Variants in KLHL29 observed in about 807,000 individuals in gnomAD.
KLHL29 encodes the protein kelch-like protein 29.
In KLHL29, 21 loss-of-function variants were observed where a neutral mutation model predicts 80.4. The observed-to-expected ratio is 0.26, with a 90% CI of 0.19 to 0.38. The LOEUF (loss-of-function observed/expected upper bound fraction) is 0.38. KLHL29 is among the 10% of genes least tolerant of loss of function. KLHL29 has a pLI of 1.00. For synonymous variants in KLHL29, 511 were observed against 526.8 expected, an observed-to-expected ratio of 0.97 and a Z score of 0.41; for missense variants, 867 against 1,223.9, an observed-to-expected ratio of 0.71 and a Z score of 4.35.
At chr2:23,551,947 T>C (rs1572395757) in intron 2 of KLHL29, among the ~76,000 whole-genome samples, 1 of 152,366 alleles carries the variant, frequency 6.6e-6, no homozygotes, top group East Asian at 1.9e-4. Context: ...CTTCACCCTC[T>C]TGCTTTTCCT....
In KLHL29 at chr2:23,670,935, T is replaced by G. The variant is rs1572482844; in HGVS notation, c.941-13464T>G. On this transcript the variant is annotated intron_variant, in intron 5 of 13. Coordinates refer to ENST00000486442, the MANE Select transcript of KLHL29 (RefSeq NM_052920.2). ...TGCACGCGCTCTCTCTCTCTCTCTC[T>G]CTCTCTCTCTCTCTCTCTCTCTCTC... 2.6e-4 allele frequency among the ~76,000 whole-genome samples: 3 copies of G among 11,704 alleles called. 1 individual carries two copies. Among genetic ancestry groups the G allele is most frequent in the African/African-American group, 4.1e-4 (2 of 4,848 alleles). The allele number at this position is 11,704 out of a possible 152,430, so 7.7% of individuals were successfully genotyped here.
At chr2:23,593,334 G>A (rs1297244678) in intron 3 of KLHL29, among the ~76,000 whole-genome samples, 1 of 152,226 alleles carries the variant, frequency 6.6e-6, no homozygotes, top group African/African-American at 2.4e-5. Context: ...GAAGGTTTGG[G>A]TTGGATTTTT....
chr2:23,483,559 C>T (rs1258285422), intron 2 of KLHL29, among the ~76,000 whole-genome samples: 1 of 152,214 alleles, frequency 6.6e-6, no homozygotes, highest in East Asian at 1.9e-4. Context: ...CTTGGCAACT[C>T]CCACTCCAAC....
At chr2:23,628,200 G>A (rs1669370789) in intron 3 of KLHL29, among the ~76,000 whole-genome samples, 1 of 152,130 alleles carries the variant, frequency 6.6e-6, no homozygotes. Flanking sequence ...ATGAGCCACC[G>A]CACCCAGCCC....
intron 2 of KLHL29, among the ~76,000 whole-genome samples, chr2:23,492,375 T>C (rs770549014): frequency 6.6e-6 from 1 of 152,178 alleles, no homozygotes; most frequent in Non-Finnish European, 1.5e-5. Context: ...GGTTTGGGGC[T>C]GCTGGTCTTC....
intron 2 of KLHL29, among the ~76,000 whole-genome samples, chr2:23,528,958 A>G (rs13015374): frequency 0.13 from 20,384 of 152,088 alleles, 2,581 homozygotes; most frequent in African/African-American, 0.34. Context: ...TGGGAGTGGG[A>G]CTCAGAACTT....
chr2:23,423,876 C>T (rs1244850835), intron 1 of KLHL29, among the ~76,000 whole-genome samples: 1 of 152,218 alleles, frequency 6.6e-6, no homozygotes, highest in Admixed American at 6.5e-5. Flanking sequence ...TGTCTTTCTC[C>T]CTGAAGACGA....
chr2:23,577,748 C>CAA (rs374208423), intron 3 of KLHL29, among the ~76,000 whole-genome samples: 2 of 118,320 alleles, frequency 1.7e-5, no homozygotes, highest in Non-Finnish European at 3.6e-5. Context: ...AACTTCATCT[C>CAA]AAAAAAAAAA....
intron 2 of KLHL29, among the ~76,000 whole-genome samples, chr2:23,518,405 C>T (rs1253447448): frequency 6.6e-6 from 1 of 152,196 alleles, no homozygotes; most frequent in Admixed American, 6.5e-5. Flanking sequence ...GATTAGGGAG[C>T]AAGAGCCTGG....
chr2:23,469,390 T>TG (rs772044236), intron 1 of KLHL29, among the ~76,000 whole-genome samples: 13 of 152,208 alleles, frequency 8.5e-5, no homozygotes, highest in Non-Finnish European at 1.9e-4. Flanking sequence ...TGTGGGCACC[T>TG]GCCCTGCCTC....
intron 1 of KLHL29, among the ~76,000 whole-genome samples, chr2:23,450,358 C>A (rs939251652): frequency 6.6e-6 from 1 of 152,048 alleles, no homozygotes; most frequent in East Asian, 1.9e-4. Flanking sequence ...TAGATTGCGG[C>A]CTGCACATCT....
rs1468581163 is a variant in KLHL29, at chr2:23,695,451, C to T, written c.1543-172C>T. Among the ~76,000 whole-genome samples the T allele has an allele frequency of 6.6e-6, 1 of 152,158 alleles. No individual in the cohort carries two copies. Reference sequence around the variant, plus strand: ...CTCCCGGCCCTCCCCTCCACACCTCCAGCTGACTAGACTTCCCTTCACCTC... The same window carrying T: ...CTCCCGGCCCTCCCCTCCACACCTCTAGCTGACTAGACTTCCCTTCACCTC... On this transcript the variant is annotated intron_variant, in intron 8 of 13. Coordinates refer to ENST00000486442, the MANE Select transcript of KLHL29 (RefSeq NM_052920.2). The surrounding 1 kb of genome is among the most constrained non-coding windows in gnomAD (Gnocchi z 7.6).
intron 3 of KLHL29, among the ~76,000 whole-genome samples, chr2:23,566,006 G>T (rs1667582030): frequency 6.6e-6 from 1 of 152,266 alleles, no homozygotes; most frequent in South Asian, 2.1e-4. Flanking sequence ...GCAGGGGCCG[G>T]CTTCTGCCAG....
At chr2:23,431,818 C>T (rs1166637953) in intron 1 of KLHL29, among the ~76,000 whole-genome samples, 5 of 147,536 alleles carry the variant, frequency 3.4e-5, no homozygotes, top group South Asian at 4.4e-4. Context: ...GGCGTGAACC[C>T]GGGAGGCGGA....
intron 2 of KLHL29, among the ~76,000 whole-genome samples, chr2:23,559,241 C>T (rs949434831): frequency 6.6e-5 from 10 of 152,022 alleles, no homozygotes; most frequent in East Asian, 1.9e-4. Flanking sequence ...TGGGGTAGGA[C>T]GGGATGAATG....
chr2:23,662,886 GTAA>G, intron 5 of KLHL29, among the ~76,000 whole-genome samples: 1 of 152,166 alleles, frequency 6.6e-6, no homozygotes, highest in Non-Finnish European at 1.5e-5. Flanking sequence ...GTTGAAAGCC[GTAA>G]ATGCAAGGCT....
intron 2 of KLHL29, among the ~76,000 whole-genome samples, chr2:23,491,171 T>A (rs1329021485): frequency 1.3e-5 from 2 of 152,070 alleles, no homozygotes; most frequent in Non-Finnish European, 2.9e-5. Context: ...CTCCAGCCCC[T>A]AGGGACACCA....
At chr2:23,607,955 C>T (rs771890620) in intron 3 of KLHL29, among the ~76,000 whole-genome samples, 4 of 150,946 alleles carry the variant, frequency 2.6e-5, no homozygotes, top group African/African-American at 4.9e-5. Flanking sequence ...TGTGAACTGC[C>T]GTTCCCCCAA....
chr2:23,482,734 C>G (rs933015566), intron 2 of KLHL29, among the ~76,000 whole-genome samples: 2 of 152,244 alleles, frequency 1.3e-5, no homozygotes, highest in Non-Finnish European at 2.9e-5. Flanking sequence ...CTGTCTCTCT[C>G]TCTTACAACA....
Sources: allele counts gnomAD v4.1 joint callset (sites outside exome capture counted in the v4.1 genomes callset), GRCh38; gene constraint gnomAD v4.1.1; non-coding constraint Gnocchi (gnomAD v3.1); transcripts MANE v1.5; gene names NCBI Gene and HGNC (gene_info 2026-07-23, HGNC 2026-07-21).